The following SLC5A2 variants were observed in gnomAD, a reference collection of about 807,000 sequenced individuals.
SLC5A2 encodes solute carrier family 5 member 2.
SLC5A2 carries 67 observed loss-of-function variants against 69.0 expected under a neutral mutation model. The ratio of observed to expected loss-of-function variants is 0.97; its 90% CI spans 0.80 to 1.19. The LOEUF (loss-of-function observed/expected upper bound fraction) is 1.19, where lower values mean the gene tolerates loss of function less well. Ranked by LOEUF, SLC5A2 falls within the 50% of genes most tolerant of loss-of-function variation. The pLI is 0.00. For synonymous variants in SLC5A2, 455 were observed against 395.8 expected (o/e 1.15, Z -1.78); for missense variants, 1,001 against 921.5 (o/e 1.09, Z -1.12).
chr16:31,483,270 G>A lies in SLC5A2; in HGVS notation c.126+8G>A. The A allele has an allele frequency of 6.2e-7, 1 of 1,613,914 alleles. No homozygotes were observed. Among genetic ancestry groups the A allele is most frequent in the Non-Finnish European group, 8.5e-7 (1 of 1,179,988 alleles). ...ATTGGCGTTGGCTTGTGGGTGAGAA[G>A]TTGGGGGGTGTGCTGCTGGTGGCTG... On this transcript the variant is annotated splice_region_variant and intron_variant, in intron 1 of 13. Transcript: ENST00000330498.
At position 31,485,889 on chromosome 16, in the gene SLC5A2, T is replaced by C. The variant is rs1340046661; in HGVS notation, c.464T>C (p.Ile155Thr). 6.2e-7 allele frequency: 1 copy of C among 1,613,500 alleles called. No homozygotes were observed. The highest frequency in any genetic ancestry group is 1.7e-5 in the Admixed American group (1 of 60,016). Residue 155 changes from isoleucine (I) to threonine (T), a missense_variant, in exon 4 of 14, where the codon ATC (isoleucine) becomes ACC (threonine). Ile to Thr is a moderately conservative substitution (Grantham distance 89). Coordinates refer to ENST00000330498, the MANE Select transcript of SLC5A2 (RefSeq NM_003041.4). ...CTTTTCCTGTACATCTTCACCAAGA[T>C]CTCAGTGAGTGCCTGTGGCAGATGC... ...LSLFLYIFTK[I>T]SVDMFSGAVF...
At position 31,483,162 on chromosome 16, in the gene SLC5A2, C is replaced by T. The variant is rs564249983; in HGVS notation, c.26C>T (p.Ser9Leu). 1.5e-5 allele frequency: 25 copies of T among 1,613,988 alleles called. No homozygotes were observed. Among genetic ancestry groups the T allele is most frequent in the East Asian group, 2.2e-5 (1 of 44,882 alleles). The change falls in exon 1 of 14, where the codon TCG becomes TTG. Residue 9 changes from serine to leucine, a missense_variant. Ser to Leu is a moderately radical substitution (Grantham distance 145). Coordinates refer to ENST00000330498, the MANE Select transcript of SLC5A2 (RefSeq NM_003041.4). ...ATGGAGGAGCACACAGAGGCAGGCT[C>T]GGCACCAGAGATGGGGGCCCAGAAG... MEEHTEAG[S>L]APEMGAQKAL...
chr16:31,485,611 TGGGCCCCAGATGTGGCCCTTCCCA>T, intron 3 of SLC5A2, 94 bp from the exon 4 acceptor site: 2 of 1,278,488 alleles, frequency 1.6e-6, no homozygotes, highest in East Asian at 2.3e-5. Flanking sequence ...AGTTGTCCTC[TGGGCCCCAGATGTGGCCCTTCCCA>T]GGGCCACTTG....
chr16:31,488,489 C>T lies in SLC5A2; in HGVS notation c.1128C>T (p.Asn376=), dbSNP rs759752521. The part of the protein sequence containing the change: ...YPRLVVKLMP[N]GLRGLMLAVM... ...GGCTCGTCGTGAAGCTCATGCCCAACGGTAAGGGCAGCCCCGGGCCACAGG... is the reference window on the plus strand; with the variant it reads ...GGCTCGTCGTGAAGCTCATGCCCAATGGTAAGGGCAGCCCCGGGCCACAGG... Residue 376 remains asparagine (N), a splice_region_variant and synonymous_variant, in exon 9 of 14, where the codon AAC becomes AAT. Transcript: ENST00000330498. The T allele has an allele frequency of 3.1e-6, 5 of 1,607,328 alleles. No individual in the cohort carries two copies. Among genetic ancestry groups the T allele is most frequent in the Non-Finnish European group, 3.4e-6 (4 of 1,178,208 alleles).
At chr16:31,485,450 C>T in intron 3 of SLC5A2, 1 of 546,668 alleles carries the variant, frequency 1.8e-6, no homozygotes, top group East Asian at 3.2e-5. Context: ...GGGGTCTATG[C>T]TGGGGTTCAT....
At chr16:31,489,440 T>C (rs1260193587) in intron 12 of SLC5A2, 102 bp downstream of exon 12, 13 of 1,065,734 alleles carry the variant, frequency 1.2e-5, no homozygotes, top group African/African-American at 1.6e-5. Flanking sequence ...CGACTGAGGG[T>C]TGGGAATGGG....
chr16:31,483,636 T>C (rs1483880063), intron 1 of SLC5A2, among the ~76,000 whole-genome samples: 1 of 152,162 alleles, frequency 6.6e-6, no homozygotes. Flanking sequence ...CTCACACCTG[T>C]AATCCCAGCA....
chr16:31,485,212 G>T (rs573749711), intron 3 of SLC5A2: 3 of 554,844 alleles, frequency 5.4e-6, no homozygotes, highest in Non-Finnish European at 3.2e-6. Flanking sequence ...CAGCCTCAAA[G>T]CCAGGGAAGC....
chr16:31,484,539 T>C (rs1222190803), intron 1 of SLC5A2, 134 bp from the exon 2 acceptor site: 3 of 915,560 alleles, frequency 3.3e-6, no homozygotes, highest in Non-Finnish European at 5.3e-6. Flanking sequence ...GAGTTGGGGG[T>C]GGGAGTGCAA....
At position 31,487,540 on chromosome 16, in the gene SLC5A2, G is replaced by T. The variant is rs371346929; in HGVS notation, c.666G>T (p.Glu222Asp). ...ACILMGYAFHEVGGYSGLFDK... is the reference protein window; with the variant it reads ...ACILMGYAFHDVGGYSGLFDK... ...GGCCTTGCCCGGCAGCCTTCCACGA[G>T]GTGGGCGGGTATTCGGGTCTCTTCG... The change falls in exon 7 of 14, where the codon GAG becomes GAT. Residue 222 changes from glutamate to aspartate, a missense_variant. Transcript: ENST00000330498. The T allele has an allele frequency of 3.7e-6, 6 of 1,613,760 alleles. No homozygotes were observed. Among genetic ancestry groups the T allele is most frequent in the East Asian group, 2.2e-5 (1 of 44,876 alleles).
chr16:31,484,141 T>C (rs1447663818), intron 1 of SLC5A2, among the ~76,000 whole-genome samples: 1 of 151,040 alleles, frequency 6.6e-6, no homozygotes, highest in African/African-American at 2.4e-5. Context: ...CCTCAGTACT[T>C]TGGGAGGCTG....
chr16:31,483,843 T>C (rs1302452824), intron 1 of SLC5A2, among the ~76,000 whole-genome samples: 2 of 151,764 alleles, frequency 1.3e-5, no homozygotes, highest in Non-Finnish European at 2.9e-5. Flanking sequence ...TGCCTCTGCC[T>C]CCCAAAGTGC....
At position 31,489,018 on chromosome 16, in the gene SLC5A2, G is replaced by C. The variant is rs762580161; in HGVS notation, c.1419G>C (p.Leu473=). ...LAPPVSAVFV[L]ALFVPRVNEQ... ...CGCCCGTGTCCGCCGTCTTCGTGCT[G>C]GCGCTCTTCGTGCCGCGCGTTAATG... The change falls in exon 11 of 14, where the codon CTG becomes CTC. Residue 473 remains leucine (L), a synonymous_variant. Transcript: ENST00000330498. The C allele has an allele frequency of 6.2e-7, 1 of 1,600,574 alleles. No homozygotes were observed. Among genetic ancestry groups the C allele is most frequent in the South Asian group, 1.1e-5 (1 of 91,084 alleles).
At chr16:31,485,658 C>T in intron 3 of SLC5A2, 71 bp from the exon 4 acceptor site, 1 of 1,587,694 alleles carries the variant, frequency 6.3e-7, no homozygotes, top group South Asian at 1.1e-5. Flanking sequence ...TGGAGTAGCA[C>T]CTTCACGAAG....
At position 31,488,922 on chromosome 16, in the gene SLC5A2, T is replaced by C; in HGVS notation, c.1323T>C (p.Leu441=). ...TCGTGGTAGTGTCGGTGGCCTGGCT[T>C]CCCGTGGTGCAGGCGGCACAGGGCG... ...VFIVVVSVAW[L]PVVQAAQGGQ... Residue 441 remains leucine, a synonymous_variant, in exon 11 of 14, where the codon CTT becomes CTC. Coordinates refer to ENST00000330498, the MANE Select transcript of SLC5A2 (RefSeq NM_003041.4). The C allele has an allele frequency of 1.9e-6, 3 of 1,605,032 alleles. No homozygotes were observed. Among genetic ancestry groups the C allele is most frequent in the Middle Eastern group, 1.7e-4 (1 of 6,018 alleles).
At position 31,483,260 on chromosome 16, in the gene SLC5A2, T is replaced by G; in HGVS notation, c.124T>G (p.Trp42Gly). The change falls in exon 1 of 14, where the codon TGG (tryptophan) becomes GGG (glycine). Residue 42 changes from tryptophan (W) to glycine (G), a missense_variant and splice_region_variant. Physicochemically the swap from Trp to Gly is radical, Grantham distance 184. Transcript: ENST00000330498. Reference sequence around the variant, plus strand: ...CCTGCTGGTCATTGGCGTTGGCTTGTGGGTGAGAAGTTGGGGGGTGTGCTG... The same window carrying G: ...CCTGCTGGTCATTGGCGTTGGCTTGGGGGTGAGAAGTTGGGGGGTGTGCTG... Reference protein sequence around the residue: ...YFLLVIGVGLWSMCRTNRGTV... With the variant: ...YFLLVIGVGLGSMCRTNRGTV... 6.2e-7 allele frequency: 1 copy of G among 1,611,210 alleles called. No individual in the cohort carries two copies. The highest frequency in any genetic ancestry group is 8.5e-7 in the Non-Finnish European group (1 of 1,179,076).
At position 31,490,460 on chromosome 16, in the gene SLC5A2, C is replaced by G. The variant is rs778330418; in HGVS notation, c.1944C>G (p.Ser648Arg). 15 of 1,613,930 alleles carry G rather than the reference C, an allele frequency of 9.3e-6. No individual in the cohort carries two copies. The African/African-American group carries it at 9.3e-5, about 10-fold the overall frequency. ...TGGAGGACATCAGCGAGGACCCGAG[C>G]TGGGCCCGTGTGGTCAACCTCAATG... ...RRLEDISEDP[S>R]WARVVNLNAL... Residue 648 changes from serine (S) to arginine (R), a missense_variant, in exon 14 of 14, where the codon AGC (serine) becomes AGG (arginine). By Grantham distance (110) the Ser-to-Arg change is moderately radical. Coordinates refer to ENST00000330498, the MANE Select transcript of SLC5A2 (RefSeq NM_003041.4).
At chr16:31,484,227 TACACACACACACACAC>T (rs537221545) in intron 1 of SLC5A2, among the ~76,000 whole-genome samples, 1 of 139,750 alleles carries the variant, frequency 7.2e-6, no homozygotes, top group Non-Finnish European at 1.5e-5. Flanking sequence ...TCTACTAAAA[TACACACACACACACAC>T]ACACACACAC....
chr16:31,488,958 C>G lies in SLC5A2; in HGVS notation c.1359C>G (p.Phe453Leu). 6.2e-7 allele frequency: 1 copy of G among 1,602,914 alleles called. No homozygotes were observed. Among genetic ancestry groups the G allele is most frequent in the Non-Finnish European group, 8.5e-7 (1 of 1,179,876 alleles). ...AGGCGGCACAGGGCGGGCAGCTCTT[C>G]GATTACATCCAGGCAGTCTCTAGCT... The part of the protein sequence containing the change: ...VVQAAQGGQL[F>L]DYIQAVSSYL... The change falls in exon 11 of 14, where the codon TTC becomes TTG. Residue 453 changes from phenylalanine (F) to leucine (L), a missense_variant. Transcript: ENST00000330498.
Sources: gnomAD v4.1 joint callset for allele counts (sites outside exome capture counted in the v4.1 genomes callset) on GRCh38, gnomAD v4.1.1 for gene constraint, MANE v1.5 for transcripts, NCBI Gene and HGNC (gene_info 2026-07-23, HGNC 2026-07-21) for gene names.